SHLD1: variants seen among roughly 807,000 people sequenced by gnomAD.
SHLD1 encodes RINN1-REV7-interacting novel NHEJ regulator 3.
Under a neutral mutation model 5.5 loss-of-function variants are expected in SHLD1, and 3 were observed. The observed-to-expected ratio is 0.54, with a 90% CI of 0.25 to 1.40. The LOEUF (loss-of-function observed/expected upper bound fraction) is 1.40. Ranked by LOEUF, SHLD1 falls within the 40% of genes most tolerant of loss-of-function variation. SHLD1 has a pLI of 0.15. For missense variants in SHLD1, 210 were observed against 244.4 expected (o/e 0.86, Z 0.94); for synonymous variants, 92 against 94.3 (o/e 0.98, Z 0.14).
intron 2 of SHLD1, among the ~76,000 whole-genome samples, chr20:5,799,579 G>A (rs1396467555): frequency 6.7e-6 from 1 of 150,248 alleles, no homozygotes; most frequent in Non-Finnish European, 1.5e-5. Flanking sequence ...CTCCCAAAGT[G>A]CTGGGATTAC....
intron 2 of SHLD1, among the ~76,000 whole-genome samples, chr20:5,811,375 G>GC (rs374628094): frequency 1.7e-3 from 260 of 152,218 alleles, no homozygotes; most frequent in South Asian, 6.8e-3. Flanking sequence ...GAAAACATAT[G>GC]CCCCCAGAAA....
intron 2 of SHLD1, among the ~76,000 whole-genome samples, chr20:5,824,776 C>A (rs1261200843): frequency 2.6e-5 from 4 of 152,076 alleles, no homozygotes; most frequent in Non-Finnish European, 5.9e-5. Flanking sequence ...TGTGTCTTCC[C>A]AGTTTTATTC....
chr20:5,780,210 C>T (rs1275996932), intron 2 of SHLD1, among the ~76,000 whole-genome samples: 2 of 152,060 alleles, frequency 1.3e-5, no homozygotes, highest in African/African-American at 4.8e-5. Flanking sequence ...AACTCCTGGC[C>T]TCAAGTGATT....
At chr20:5,858,728 G>A (rs767146045) in intron 2 of SHLD1, among the ~76,000 whole-genome samples, 16 of 152,108 alleles carry the variant, frequency 1.1e-4, no homozygotes, top group Non-Finnish European at 1.8e-4. Context: ...CCAGCTACTC[G>A]GGTGGCTGAG....
At chr20:5,756,763 C>A in intron 1 of SHLD1, 2 of 279,142 alleles carry the variant, frequency 7.2e-6, no homozygotes, top group Non-Finnish European at 7.3e-6. Flanking sequence ...AATCTCAGCT[C>A]ACTGCAACCT....
intron 2 of SHLD1, among the ~76,000 whole-genome samples, chr20:5,798,393 C>T (rs2087241759): frequency 6.6e-6 from 1 of 151,726 alleles, no homozygotes; most frequent in Non-Finnish European, 1.5e-5. Flanking sequence ...AGCTCCGCCT[C>T]CCGGGTTCAC....
intron 2 of SHLD1, among the ~76,000 whole-genome samples, chr20:5,827,167 C>T (rs900271235): frequency 6.6e-6 from 1 of 152,198 alleles, no homozygotes; most frequent in Non-Finnish European, 1.5e-5. Context: ...GAGCCTGGGG[C>T]CCGCCACCAT....
intron 2 of SHLD1, among the ~76,000 whole-genome samples, chr20:5,800,980 T>C (rs183017105): frequency 1.3e-5 from 2 of 152,234 alleles, no homozygotes; most frequent in Admixed American, 6.5e-5. Context: ...ACTCCCAAAT[T>C]GAAGTTGTTT....
chr20:5,831,571 T>G (rs981005389), intron 2 of SHLD1, among the ~76,000 whole-genome samples: 1 of 152,124 alleles, frequency 6.6e-6, no homozygotes, highest in Admixed American at 6.5e-5. Context: ...CGGCAAACAT[T>G]TAATAAATAC....
At chr20:5,773,905 T>C (rs1037865707) in intron 2 of SHLD1, among the ~76,000 whole-genome samples, 1 of 152,080 alleles carries the variant, frequency 6.6e-6, no homozygotes, top group African/African-American at 2.4e-5. Context: ...TTGTCGTTAA[T>C]ATTAAGAAAT....
intron 2 of SHLD1, among the ~76,000 whole-genome samples, chr20:5,800,672 AC>A (rs2087279261): frequency 1.6e-5 from 2 of 128,872 alleles, no homozygotes; most frequent in Non-Finnish European, 3.3e-5. Flanking sequence ...TGGGCAACAG[AC>A]CGAGACTGTC....
chr20:5,838,760 G>A (rs1436606872), intron 2 of SHLD1, among the ~76,000 whole-genome samples: 5 of 152,090 alleles, frequency 3.3e-5, no homozygotes, highest in Non-Finnish European at 5.9e-5. Context: ...CCTGGGTGAC[G>A]GAGCGAGACT....
rs997299895 is a variant in SHLD1, at chr20:5,849,600, C to T, written c.179-13424C>T. On this transcript the variant is annotated intron_variant, in intron 2 of 2. Transcript: ENST00000303142. The stretch of plus-strand genomic sequence containing the variant: ...CCAGGTTGCATAATGTGTCATAATA[C>T]ATGTATACATGTAATGAATTGTGTG... Among the ~76,000 whole-genome samples, 6 of 152,160 alleles carry T rather than the reference C, an allele frequency of 3.9e-5. No homozygotes were observed. In the South Asian group the frequency reaches 1.2e-3, roughly 31 times the overall value.
intron 2 of SHLD1, among the ~76,000 whole-genome samples, chr20:5,778,348 C>T (rs1274320303): frequency 2.7e-5 from 4 of 148,900 alleles, no homozygotes; most frequent in South Asian, 2.1e-4. Flanking sequence ...AGGATGGTCT[C>T]GATCTCCTGA....
intron 2 of SHLD1, among the ~76,000 whole-genome samples, chr20:5,854,873 T>TA (rs66635703): frequency 1.1e-3 from 2 of 1,904 alleles, no homozygotes; most frequent in Non-Finnish European, 3.1e-3. Flanking sequence ...TCTATGACTC[T>TA]TTTTTTTTTT....
intron 2 of SHLD1, among the ~76,000 whole-genome samples, chr20:5,813,223 C>T (rs529814593): frequency 5.3e-5 from 8 of 151,988 alleles, no homozygotes; most frequent in South Asian, 2.1e-4. Context: ...TGCTGTGGCT[C>T]ACGTCTGTAA....
At chr20:5,787,995 T>C (rs1028910576) in intron 2 of SHLD1, among the ~76,000 whole-genome samples, 4 of 152,330 alleles carry the variant, frequency 2.6e-5, no homozygotes, top group African/African-American at 4.8e-5. Flanking sequence ...TAAGGAGATA[T>C]AGTGCTACTG....
At chr20:5,822,802 T>C (rs528886603) in intron 2 of SHLD1, among the ~76,000 whole-genome samples, 91 of 152,158 alleles carry the variant, frequency 6.0e-4, no homozygotes, top group African/African-American at 2.0e-3. Flanking sequence ...ACAAAGATGA[T>C]GTAATATTTC....
Position 5,771,771 on chromosome 20 carries a change from A to G in SHLD1, c.-4-1091A>G, listed in dbSNP as rs1385555513. ...CATGAATTTCTTTTTCCTTCTTCACAATTTCACGGATAGAAGATTCATTGT... is the reference window on the plus strand; with the variant it reads ...CATGAATTTCTTTTTCCTTCTTCACGATTTCACGGATAGAAGATTCATTGT... On this transcript the variant is annotated intron_variant, in intron 1 of 2. Coordinates refer to ENST00000303142, the MANE Select transcript of SHLD1 (RefSeq NM_152504.4). 2.1e-5 allele frequency: 4 copies of G among 189,736 alleles called. No homozygotes were observed. The East Asian group carries it at 6.9e-4, about 33-fold the overall frequency. The allele number at this position is 189,736 out of a possible 1,614,324, so 11.8% of individuals were successfully genotyped here. A position where few individuals can be genotyped will look rare whatever the true frequency, so the allele number is the denominator to read the frequency against.
Sources: gnomAD v4.1 joint callset for allele counts (sites outside exome capture counted in the v4.1 genomes callset) on GRCh38, gnomAD v4.1.1 for gene constraint, MANE v1.5 for transcripts, NCBI Gene and HGNC (gene_info 2026-07-23, HGNC 2026-07-21) for gene names.